MYOM1: variants seen among roughly 807,000 people sequenced by gnomAD.
The protein encoded by MYOM1 is myomesin 1.
A neutral mutation model predicts 205.3 loss-of-function variants in MYOM1; 164 were observed. The observed-to-expected ratio is 0.80, with a 90% CI of 0.70 to 0.91. MYOM1 has a LOEUF of 0.91. Among genes scored for constraint, MYOM1 ranks in the 40% least tolerant of loss-of-function variants. The pLI, the probability that MYOM1 is intolerant of heterozygous loss-of-function variation, is 0.00. For missense variants in MYOM1, 2,011 were observed against 2,127.3 expected (o/e 0.95, Z 1.08); for synonymous variants, 772 against 789.4 (o/e 0.98, Z 0.37).
At chr18:3,085,247 T>G (rs1194860423) in intron 30 of MYOM1, 115 bp from the exon 31 acceptor site, 18 of 128,560 alleles carry the variant, frequency 1.4e-4, no homozygotes, top group African/African-American at 8.7e-4. Flanking sequence ...TTTTTTTTTT[T>G]TTTTTTTTTT....
chr18:3,183,352 C>T (rs546892141), intron 5 of MYOM1, among the ~76,000 whole-genome samples: 31 of 152,270 alleles, frequency 2.0e-4, no homozygotes, highest in African/African-American at 4.8e-4. Context: ...GATGTGTGTG[C>T]CCTTATTCAG....
Position 3,112,174 on chromosome 18 carries a change from T to C in MYOM1, c.3418+124A>G, listed in dbSNP as rs145628866. ...TGTCATGTTCTAAGATCATTACTTATCAATTATATTCAGATAGCACACATT... is the reference window on the plus strand; with the variant it reads ...TGTCATGTTCTAAGATCATTACTTACCAATTATATTCAGATAGCACACATT... On this transcript the variant is annotated intron_variant, in intron 22 of 37. Coordinates refer to ENST00000356443, the MANE Select transcript of MYOM1 (RefSeq NM_003803.4). 713 of 721,738 alleles carry C rather than the reference T, an allele frequency of 9.9e-4. 10 individuals carry two copies. In the African/African-American group the frequency reaches 0.011, roughly 11 times the overall value. 44.7% of individuals were successfully genotyped at this position (721,738 alleles called of 1,614,324 possible).
intron 37 of MYOM1, among the ~76,000 whole-genome samples, chr18:3,071,460 G>T (rs1422833754): frequency 6.6e-6 from 1 of 152,144 alleles, no homozygotes; most frequent in Non-Finnish European, 1.5e-5. Context: ...CCAGGTTCAA[G>T]CAACTCTCCT....
At chr18:3,131,290 A>C in intron 17 of MYOM1, 85 bp downstream of exon 17, 1 of 1,464,380 alleles carries the variant, frequency 6.8e-7, no homozygotes, top group South Asian at 1.2e-5. Flanking sequence ...TTGGAAGCTA[A>C]ATAATTTCTG....
intron 37 of MYOM1, among the ~76,000 whole-genome samples, chr18:3,070,498 A>G (rs8089777): frequency 0.58 from 88,840 of 151,924 alleles, 28,567 homozygotes; most frequent in African/African-American, 0.88. Context: ...GCGAATCCAG[A>G]TTAGAAATTA....
intron 4 of MYOM1, 111 bp downstream of exon 4, chr18:3,188,634 GAAA>G: frequency 1.1e-6 from 1 of 890,318 alleles, no homozygotes; most frequent in South Asian, 2.6e-5. Flanking sequence ...ATCTCAAAAG[GAAA>G]AAAAAAAAGA....
intron 2 of MYOM1, among the ~76,000 whole-genome samples, chr18:3,197,313 G>A (rs2081001773): frequency 6.6e-6 from 1 of 151,736 alleles, no homozygotes; most frequent in Admixed American, 6.6e-5. Context: ...ATTTTTGTAC[G>A]TTTTAGTAGA....
In MYOM1 at chr18:3,135,864, G is replaced by A; in HGVS notation, c.2026-134C>T. The A allele has an allele frequency of 2.1e-6, 2 of 943,978 alleles. No homozygotes were observed. The highest frequency in any genetic ancestry group is 1.7e-5 in the African/African-American group (1 of 60,582). The allele number at this position is 943,978 out of a possible 1,614,324, so 58.5% of individuals were successfully genotyped here. A position where few individuals can be genotyped will look rare whatever the true frequency, so the allele number is the denominator to read the frequency against. ...CAAGCTGGACTGGAGGAGAGATGAG[G>A]AGGAAATAGGGGATGAGGCATCTGA... On this transcript the variant is annotated intron_variant, in intron 14 of 37. Coordinates refer to ENST00000356443, the MANE Select transcript of MYOM1 (RefSeq NM_003803.4). The surrounding 1 kb of genome is among the most constrained non-coding windows in gnomAD (Gnocchi z 4.1).
chr18:3,215,687 C>A (rs1315854632), intron 1 of MYOM1, among the ~76,000 whole-genome samples: 1 of 152,020 alleles, frequency 6.6e-6, no homozygotes, highest in Non-Finnish European at 1.5e-5. Context: ...ACTGGATATT[C>A]AAAAAACTCT....
chr18:3,069,701 T>C (rs2078939025), intron 37 of MYOM1, among the ~76,000 whole-genome samples: 1 of 145,710 alleles, frequency 6.9e-6, no homozygotes, highest in Non-Finnish European at 1.5e-5. Context: ...CCTGACAGTC[T>C]AGTGGTTAGG....
the MYOM1 span, chr18:3,245,831 C>T: frequency 6.6e-6 from 1 of 152,246 alleles, no homozygotes; most frequent in South Asian, 2.1e-4. Context: ...CAAGTTTACG[C>T]TTCGTTTGTG....
chr18:3,158,705 C>CCTCCCTCTT (rs2080337669), intron 10 of MYOM1, among the ~76,000 whole-genome samples: 1 of 152,022 alleles, frequency 6.6e-6, no homozygotes, highest in Non-Finnish European at 1.5e-5. Flanking sequence ...CTTTGACCTC[C>CCTCCCTCTT]CAGGCTCAAG....
chr18:3,113,378 G>A (rs2079558898), intron 21 of MYOM1, among the ~76,000 whole-genome samples: 1 of 151,756 alleles, frequency 6.6e-6, no homozygotes, highest in East Asian at 1.9e-4. Flanking sequence ...TGCTCAGGCG[G>A]AGTACAGTGG....
chr18:3,166,816 A>G (rs540934276), intron 9 of MYOM1, among the ~76,000 whole-genome samples: 2 of 152,356 alleles, frequency 1.3e-5, no homozygotes, highest in East Asian at 3.9e-4. Flanking sequence ...AATTAAACAG[A>G]AAAATTATAT....
chr18:3,167,951 A>C (rs561600786), intron 9 of MYOM1, among the ~76,000 whole-genome samples: 29 of 152,354 alleles, frequency 1.9e-4, no homozygotes, highest in African/African-American at 6.7e-4. Context: ...CTGACAATGG[A>C]AGGATTTTCT....
intron 5 of MYOM1, among the ~76,000 whole-genome samples, chr18:3,183,962 G>A (rs1310585201): frequency 2.0e-5 from 3 of 151,526 alleles, no homozygotes; most frequent in African/African-American, 7.3e-5. Context: ...CTGGAGTGCA[G>A]TAGTGCCATC....
chr18:3,078,343 A>T (rs554849540), intron 34 of MYOM1, among the ~76,000 whole-genome samples: 2 of 151,962 alleles, frequency 1.3e-5, no homozygotes, highest in Non-Finnish European at 2.9e-5. Context: ...TGCCCACCTG[A>T]GATTGTATTT....
chr18:3,129,274 CCT>C lies in MYOM1; in HGVS notation c.2750_2751del (p.Gln917ArgfsTer4), dbSNP rs1555620787. 3 of 1,613,988 alleles carry C rather than the reference CCT, an allele frequency of 1.9e-6. No homozygotes were observed. Among genetic ancestry groups the C allele is most frequent in the Non-Finnish European group, 2.5e-6 (3 of 1,179,884 alleles). On this transcript the variant is annotated frameshift_variant, in exon 18 of 38. Coordinates refer to ENST00000356443, the MANE Select transcript of MYOM1 (RefSeq NM_003803.4). LOFTEE classifies it high-confidence loss of function. ...TTCAGGGGGTCAGACTTACTTTTCCCCTGAGGAGCCGCTTTCTGTGGTGGCGG... is the reference window on the plus strand; with the variant it reads ...TTCAGGGGGTCAGACTTACTTTTCCCGAGGAGCCGCTTTCTGTGGTGGCGG... ...LTPPPQKAAP[Q>X]GKSKSDPLKK... is the part of the protein sequence containing the mutation.
Position 3,193,877 on chromosome 18 carries a change from C to G in MYOM1, c.372G>C (p.Leu124=), listed in dbSNP as rs757679134. Residue 124 remains leucine, a synonymous_variant, in exon 3 of 38, where the codon CTG becomes CTC. Transcript: ENST00000356443. ...PKPKRAKHSL[L]SGEEKENLPS... is the part of the protein sequence containing the mutation. ...GCAAATTTTCTTTCTCTTCTCCAGA[C>G]AGTAGGCTGTGCTTGGCTCTCTTTG... The G allele has an allele frequency of 3.7e-6, 6 of 1,613,918 alleles. No homozygotes were observed. In the Admixed American group the frequency reaches 8.3e-5, roughly 22 times the overall value.
Sources: gnomAD v4.1 joint callset for allele counts (sites outside exome capture counted in the v4.1 genomes callset) on GRCh38, gnomAD v4.1.1 for gene constraint, Gnocchi (gnomAD v3.1) non-coding constraint, MANE v1.5 for transcripts, NCBI Gene and HGNC (gene_info 2026-07-23, HGNC 2026-07-21) for gene names.